LHCGR: variants seen among roughly 807,000 people sequenced by gnomAD.
LHCGR encodes the protein luteinizing hormone/choriogonadotropin receptor, also known as lutropin-choriogonadotropic hormone receptor.
A neutral mutation model predicts 60.7 loss-of-function variants in LHCGR; 55 were observed. That is an observed-to-expected ratio of 0.91 (90% CI 0.73 to 1.13). The LOEUF is 1.13. LHCGR is among the 50% of genes most tolerant of loss of function. The pLI is 0.00. For missense variants in LHCGR, 862 were observed against 836.0 expected, an observed-to-expected ratio of 1.03 and a Z score of -0.38; for synonymous variants, 337 against 316.5, an observed-to-expected ratio of 1.06 and a Z score of -0.69.
intron 1 of LHCGR, among the ~76,000 whole-genome samples, chr2:48,737,267 T>C (rs532700896): frequency 6.6e-6 from 1 of 152,364 alleles, no homozygotes; most frequent in South Asian, 2.1e-4. Flanking sequence ...ATAATGAGTT[T>C]ATTGCTAGAG....
At chr2:48,697,569 G>T (rs950149587) in intron 9 of LHCGR, among the ~76,000 whole-genome samples, 1 of 152,206 alleles carries the variant, frequency 6.6e-6, no homozygotes, top group African/African-American at 2.4e-5. Flanking sequence ...GCCTCAGGTG[G>T]AGCTGAACCT....
At chr2:48,743,650 A>T (rs996543091) in intron 1 of LHCGR, among the ~76,000 whole-genome samples, 37 of 152,308 alleles carry the variant, frequency 2.4e-4, no homozygotes, top group African/African-American at 8.7e-4. Context: ...ACAACCCTTC[A>T]TGCTAAAAAC....
chr2:48,731,347 G>T, intron 1 of LHCGR, 49 bp from the exon 2 acceptor site: 1 of 1,337,728 alleles, frequency 7.5e-7, no homozygotes. Context: ...ATGATAGGGT[G>T]CCTTTTAAGT....
chr2:48,697,535 T>C (rs1667177436), intron 9 of LHCGR, among the ~76,000 whole-genome samples: 1 of 152,236 alleles, frequency 6.6e-6, no homozygotes, highest in Admixed American at 6.5e-5. Flanking sequence ...CAGCAAGTGT[T>C]TTGTCTTCTC....
intron 1 of LHCGR, among the ~76,000 whole-genome samples, chr2:48,734,091 G>T (rs1465014697): frequency 6.6e-6 from 1 of 152,110 alleles, no homozygotes; most frequent in Non-Finnish European, 1.5e-5. Flanking sequence ...TGGCATCAGG[G>T]GCTTGGAGGC....
At position 48,687,503 on chromosome 2, in the gene LHCGR, G is replaced by A; in HGVS notation, c.*194C>T. 1 of 532,480 alleles carries A rather than the reference G, an allele frequency of 1.9e-6. No individual in the cohort carries two copies. The highest frequency in any genetic ancestry group is 3.3e-6 in the Non-Finnish European group (1 of 301,970). The allele number at this position is 532,480 out of a possible 1,614,324, so 33.0% of individuals were successfully genotyped here. ...CTCTCAACTTCAGTATTTATGCCAT[G>A]TAACAATGACAAATAGTTTTTAGTG... On this transcript the variant is annotated 3_prime_UTR_variant, in exon 11 of 11. Transcript: ENST00000294954.
intron 6 of LHCGR, among the ~76,000 whole-genome samples, chr2:48,722,551 T>C (rs1412314165): frequency 6.6e-6 from 1 of 152,180 alleles, no homozygotes; most frequent in Non-Finnish European, 1.5e-5. Flanking sequence ...GATAGAGTTC[T>C]CATGAGATCT....
intron 9 of LHCGR, among the ~76,000 whole-genome samples, chr2:48,695,125 T>C (rs1036924640): frequency 1.3e-5 from 2 of 152,196 alleles, no homozygotes; most frequent in African/African-American, 4.8e-5. Flanking sequence ...CTTTGCCCAT[T>C]TTTTAATGGG....
At chr2:48,731,184 A>T in intron 2 of LHCGR, 43 bp downstream of exon 2, 2 of 1,337,090 alleles carry the variant, frequency 1.5e-6, no homozygotes, top group Non-Finnish European at 2.1e-6. Context: ...AAAATTCATT[A>T]TTCCAATTAC....
chr2:48,745,881 A>G (rs11683298), intron 1 of LHCGR, among the ~76,000 whole-genome samples: 21,049 of 137,780 alleles, frequency 0.15, 1,651 homozygotes, highest in South Asian at 0.31. Flanking sequence ...AAATTAAAAG[A>G]AAAAAAAAAG....
At chr2:48,743,804 C>T (rs1216271904) in intron 1 of LHCGR, among the ~76,000 whole-genome samples, 3 of 152,086 alleles carry the variant, frequency 2.0e-5, no homozygotes, top group African/African-American at 7.3e-5. Context: ...TGCCCTCTCT[C>T]ACCACTCCTA....
intron 1 of LHCGR, among the ~76,000 whole-genome samples, chr2:48,740,798 A>G (rs1308444180): frequency 6.6e-6 from 1 of 152,240 alleles, no homozygotes; most frequent in Non-Finnish European, 1.5e-5. Flanking sequence ...TCCTCCTCCA[A>G]AGGAACGCAG....
At chr2:48,714,800 A>G (rs1668167198) in intron 6 of LHCGR, among the ~76,000 whole-genome samples, 1 of 152,130 alleles carries the variant, frequency 6.6e-6, no homozygotes, top group East Asian at 1.9e-4. Flanking sequence ...AAGACATAAG[A>G]GGATCCTTAG....
intron 2 of LHCGR, 50 bp downstream of exon 2, chr2:48,731,177 A>G: frequency 7.7e-7 from 1 of 1,301,532 alleles, no homozygotes; most frequent in Non-Finnish European, 1.1e-6. Flanking sequence ...CTTAGAAAAA[A>G]TTCATTATTC....
At chr2:48,722,202 A>C (rs1668530280) in intron 6 of LHCGR, among the ~76,000 whole-genome samples, 1 of 152,154 alleles carries the variant, frequency 6.6e-6, no homozygotes, top group Non-Finnish European at 1.5e-5. Context: ...ACGGCAGTGG[A>C]GGGCTCCCAT....
At chr2:48,740,083 T>C (rs1273850054) in intron 1 of LHCGR, among the ~76,000 whole-genome samples, 13 of 152,202 alleles carry the variant, frequency 8.5e-5, no homozygotes, top group Admixed American at 8.5e-4. Context: ...GGGTGACAGA[T>C]GGCACCTGGA....
intron 9 of LHCGR, among the ~76,000 whole-genome samples, chr2:48,697,108 C>T (rs895696261): frequency 3.3e-5 from 5 of 152,204 alleles, no homozygotes; most frequent in Non-Finnish European, 7.3e-5. Flanking sequence ...TCTTCTGACT[C>T]ATCTTCTTCC....
At chr2:48,715,463 T>C (rs1259077664) in intron 6 of LHCGR, among the ~76,000 whole-genome samples, 1 of 152,342 alleles carries the variant, frequency 6.6e-6, no homozygotes, top group East Asian at 1.9e-4. Context: ...AAACTCCTTA[T>C]ATCTGCCAAC....
At chr2:48,722,220 T>G (rs1488636700) in intron 6 of LHCGR, among the ~76,000 whole-genome samples, 1 of 152,138 alleles carries the variant, frequency 6.6e-6, no homozygotes, top group Non-Finnish European at 1.5e-5. Flanking sequence ...CATGTGAAGA[T>G]GTATGGCAGG....
Sources: gnomAD v4.1 joint callset for allele counts (sites outside exome capture counted in the v4.1 genomes callset) on GRCh38, gnomAD v4.1.1 for gene constraint, MANE v1.5 for transcripts, NCBI Gene and HGNC (gene_info 2026-07-23, HGNC 2026-07-21) for gene names.